The following LRPPRC variants were observed in gnomAD, a reference collection of about 807,000 sequenced individuals.
LRPPRC encodes leucine rich pentatricopeptide repeat containing, also known as leucine-rich PPR motif-containing protein, mitochondrial.
LRPPRC carries 120 observed loss-of-function variants against 180.3 expected under a neutral mutation model. The ratio of observed to expected loss-of-function variants is 0.67; its 90% confidence interval spans 0.57 to 0.77. The LOEUF (loss-of-function observed/expected upper bound fraction) is 0.77, where lower values mean the gene tolerates loss of function less well. Among genes scored for constraint, LRPPRC ranks in the 30% least tolerant of loss-of-function variants. The pLI is 0.00. For synonymous variants in LRPPRC, 723 were observed against 600.0 expected, an observed-to-expected ratio of 1.21 and a Z score of -3.00; for missense variants, 2,012 against 1,657.2, an observed-to-expected ratio of 1.21 and a Z score of -3.72.
chr2:43,946,882 A>G (rs1420508961), intron 20 of LRPPRC, among the ~76,000 whole-genome samples: 5 of 152,074 alleles, frequency 3.3e-5, no homozygotes, highest in Non-Finnish European at 7.4e-5. Context: ...CAGCAGGAAA[A>G]TGGAATTTCA....
chr2:43,934,744 A>G lies in LRPPRC; in HGVS notation c.2629+10T>C. On this transcript the variant is annotated intron_variant, in intron 24 of 37. Transcript: ENST00000260665. ...AAAAAACTACATTAAGATACTAGAAAGTGACTCACCTTTCTGAATTAGATC... is the reference window on the plus strand; with the variant it reads ...AAAAAACTACATTAAGATACTAGAAGGTGACTCACCTTTCTGAATTAGATC... The G allele has an allele frequency of 6.2e-7, 1 of 1,612,558 alleles. No individual in the cohort carries two copies.
At chr2:43,947,400 T>G (rs767299701) in intron 19 of LRPPRC, 30 bp from the exon 20 acceptor site, 1 of 1,188,652 alleles carries the variant, frequency 8.4e-7, no homozygotes, top group South Asian at 1.2e-5. Context: ...AAAGAAAAAT[T>G]TCCTGAAAAA....
intron 1 of LRPPRC, among the ~76,000 whole-genome samples, chr2:43,983,198 A>T (rs974810446): frequency 6.6e-6 from 1 of 152,188 alleles, no homozygotes; most frequent in Non-Finnish European, 1.5e-5. Context: ...GTTTACAAAG[A>T]GCAAGCAATC....
intron 27 of LRPPRC, among the ~76,000 whole-genome samples, chr2:43,921,640 T>G (rs759679567): frequency 3.3e-5 from 5 of 152,144 alleles, no homozygotes; most frequent in Non-Finnish European, 7.4e-5. Flanking sequence ...ATTCACAAAG[T>G]TACGTCTGAG....
At chr2:43,974,906 T>C in intron 7 of LRPPRC, 148 bp from the exon 8 acceptor site, 2 of 954,868 alleles carry the variant, frequency 2.1e-6, no homozygotes, top group Non-Finnish European at 3.3e-6. Context: ...AATACTCTAC[T>C]TCAACAGTAA....
intron 34 of LRPPRC, 147 bp from the exon 35 acceptor site, chr2:43,896,855 G>A (rs1670705022): frequency 3.2e-6 from 2 of 632,118 alleles, no homozygotes; most frequent in Non-Finnish European, 5.7e-6. Flanking sequence ...TATTTTTTAA[G>A]GCAAGAAAAA....
intron 1 of LRPPRC, among the ~76,000 whole-genome samples, chr2:43,986,545 C>T (rs1251660662): frequency 3.3e-5 from 5 of 152,296 alleles, no homozygotes; most frequent in African/African-American, 1.2e-4. Context: ...AGGTAGAAGA[C>T]AGAAGAGGCA....
At chr2:43,976,653 A>G (rs1674068324) in intron 5 of LRPPRC, among the ~76,000 whole-genome samples, 2 of 151,838 alleles carry the variant, frequency 1.3e-5, no homozygotes, top group Non-Finnish European at 1.5e-5. Context: ...CACTACTTCC[A>G]GTTTTATAAA....
At chr2:43,991,893 A>C (rs1389195002) in intron 1 of LRPPRC, among the ~76,000 whole-genome samples, 3 of 152,250 alleles carry the variant, frequency 2.0e-5, no homozygotes, top group Admixed American at 6.5e-5. Flanking sequence ...GGGTGGGTTA[A>C]GCATCCCTTC....
At chr2:43,925,659 G>C (rs1671850185) in intron 26 of LRPPRC, among the ~76,000 whole-genome samples, 1 of 152,118 alleles carries the variant, frequency 6.6e-6, no homozygotes, top group Non-Finnish European at 1.5e-5. Context: ...AGGTCAGCCT[G>C]CTCCAACCAA....
At chr2:43,950,488 T>A in intron 15 of LRPPRC, 85 bp downstream of exon 15, 1 of 1,219,982 alleles carries the variant, frequency 8.2e-7, no homozygotes. Context: ...AATATAGGTT[T>A]CATGATAAAA....
intron 25 of LRPPRC, among the ~76,000 whole-genome samples, chr2:43,930,694 G>A (rs781610952): frequency 6.6e-6 from 1 of 151,568 alleles, no homozygotes; most frequent in African/African-American, 2.4e-5. Context: ...TCAAAAGTGG[G>A]TCAAATGTCA....
At position 43,974,292 on chromosome 2, in the gene LRPPRC, G is replaced by C. The variant is rs551708691; in HGVS notation, c.1013C>G (p.Ala338Gly). The change falls in exon 9 of 38, where the codon GCA (alanine) becomes GGA (glycine). Residue 338 changes from alanine (A) to glycine (G), a missense_variant. By Grantham distance (60) the Ala-to-Gly change is moderately conservative. Coordinates refer to ENST00000260665, the MANE Select transcript of LRPPRC (RefSeq NM_133259.4). ...GACTAAAAGTAAAATGAGGTTCATT[G>C]CATCTGGGAAGAAAACAAAGACATC... Reference protein sequence around the residue: ...VTCERRYIPDAMNLILLLVTE... With the variant: ...VTCERRYIPDGMNLILLLVTE... The C allele has an allele frequency of 1.9e-6, 3 of 1,609,714 alleles. No homozygotes were observed. The highest frequency in any genetic ancestry group is 1.1e-5 in the South Asian group (1 of 90,982).
intron 20 of LRPPRC, 85 bp from the exon 21 acceptor site, chr2:43,946,328 G>C (rs1320362257): frequency 5.8e-6 from 6 of 1,040,188 alleles, no homozygotes; most frequent in East Asian, 4.9e-5. Context: ...TCAGAGTTTA[G>C]AAAAAGTTAA....
intron 14 of LRPPRC, among the ~76,000 whole-genome samples, chr2:43,956,544 AT>A (rs1673125153): frequency 7.3e-6 from 1 of 137,284 alleles, no homozygotes; most frequent in Admixed American, 7.9e-5. Flanking sequence ...GAAAGAGGGT[AT>A]GAGAGAAAGT....
At chr2:43,986,843 A>G (rs548021940) in intron 1 of LRPPRC, among the ~76,000 whole-genome samples, 1 of 152,342 alleles carries the variant, frequency 6.6e-6, no homozygotes, top group African/African-American at 2.4e-5. Context: ...TAGACAGTGC[A>G]AAGTCTCTAA....
chr2:43,911,149 G>GATATAT (rs34332260), intron 30 of LRPPRC, among the ~76,000 whole-genome samples: 42 of 146,310 alleles, frequency 2.9e-4, no homozygotes, highest in African/African-American at 9.8e-4. Flanking sequence ...GAGTGTTCTA[G>GATATAT]ATATATATAT....
At chr2:43,990,719 CT>C in intron 1 of LRPPRC, among the ~76,000 whole-genome samples, 1 of 152,278 alleles carries the variant, frequency 6.6e-6, no homozygotes, top group African/African-American at 2.4e-5. Flanking sequence ...ATATTCTTCT[CT>C]TATGGACAGC....
At chr2:43,964,323 T>C (rs1487825209) in intron 11 of LRPPRC, among the ~76,000 whole-genome samples, 6 of 152,200 alleles carry the variant, frequency 3.9e-5, no homozygotes, top group African/African-American at 1.4e-4. Flanking sequence ...AATTAAGTCA[T>C]TTCATGTTTT....
Sources: gnomAD v4.1 joint callset for allele counts (sites outside exome capture counted in the v4.1 genomes callset) on GRCh38, gnomAD v4.1.1 for gene constraint, MANE v1.5 for transcripts, NCBI Gene and HGNC (gene_info 2026-07-23, HGNC 2026-07-21) for gene names.